The following PCNX1 variants were observed in gnomAD, a reference collection of about 807,000 sequenced individuals.
The protein encoded by PCNX1 is pecanex 1.
In PCNX1, 78 loss-of-function variants were observed where a neutral mutation model predicts 242.2. The observed-to-expected ratio is 0.32, with a 90% CI of 0.27 to 0.39. PCNX1 has a LOEUF of 0.39. Among genes scored for constraint, PCNX1 ranks in the 10% least tolerant of loss-of-function variants. The probability of loss-of-function intolerance (pLI) is 1.00; values close to 1 mark genes in which losing one functional copy is unlikely to be tolerated. For synonymous variants in PCNX1, 1,024 were observed against 1,032.9 expected (o/e 0.99, Z 0.17); for missense variants, 2,581 against 2,856.5 (o/e 0.90, Z 2.20).
intron 30 of PCNX1, among the ~76,000 whole-genome samples, chr14:71,095,733 G>A (rs1403665185): frequency 6.6e-6 from 1 of 152,008 alleles, no homozygotes; most frequent in East Asian, 1.9e-4. Flanking sequence ...ACCACATACA[G>A]AGGCACCTCA....
In PCNX1 at chr14:70,948,641, A is replaced by ATATATAGATGTGTATATATACACGTGTC. The variant is rs1401528598; in HGVS notation, c.362+1546_362+1573dup. 5.5e-4 allele frequency among the ~76,000 whole-genome samples: 83 copies of ATATATAGATGTGTATATATACACGTGTC among 151,014 alleles called. 1 individual carries two copies. Among genetic ancestry groups the ATATATAGATGTGTATATATACACGTGTC allele is most frequent in the Non-Finnish European group, 5.0e-4 (34 of 67,662 alleles). On this transcript the variant is annotated intron_variant, in intron 2 of 35. Transcript: ENST00000304743. ...TATATATACACATATATAGTTGTGTATATATAGATGTGTATATATACACGT... is the reference window on the plus strand; with the variant it reads ...TATATATACACATATATAGTTGTGTATATATAGATGTGTATATATACACGTGTCTATATAGATGTGTATATATACACGT...
chr14:71,039,302 G>A (rs1408107337), intron 19 of PCNX1, among the ~76,000 whole-genome samples: 1 of 152,036 alleles, frequency 6.6e-6, no homozygotes, highest in East Asian at 1.9e-4. Context: ...TCTGGGAGTG[G>A]CTTTGCTGGA....
chr14:71,055,449 T>C, intron 24 of PCNX1, 55 bp from the exon 25 acceptor site: 1 of 1,026,074 alleles, frequency 9.7e-7, no homozygotes, highest in East Asian at 2.4e-5. Context: ...CAGTCTAAAT[T>C]GTTAAATATT....
chr14:71,025,098 C>T (rs566863820), intron 13 of PCNX1, among the ~76,000 whole-genome samples: 1 of 152,254 alleles, frequency 6.6e-6, no homozygotes, highest in Non-Finnish European at 1.5e-5. Flanking sequence ...TGATTTTTCT[C>T]ATCCTGTCAT....
rs2060827060 is a variant in PCNX1 at position 71,045,289 on chromosome 14, T to G, written c.4018+6T>G. Reference sequence around the variant, plus strand: ...TAATCAGTATGAAGTTCGAAGTAAGTATTTCATTAGCACTTTTTCTTTTTA... The same window carrying G: ...TAATCAGTATGAAGTTCGAAGTAAGGATTTCATTAGCACTTTTTCTTTTTA... On this transcript the variant is annotated splice_donor_region_variant and intron_variant, in intron 20 of 35. Coordinates refer to ENST00000304743, the MANE Select transcript of PCNX1 (RefSeq NM_014982.3). 1 of 1,590,126 alleles carries G rather than the reference T, an allele frequency of 6.3e-7. No homozygotes were observed. The highest frequency in any genetic ancestry group is 1.4e-5 in the African/African-American group (1 of 73,692).
chr14:70,948,772 T>A (rs1439125005), intron 2 of PCNX1, among the ~76,000 whole-genome samples: 1 of 146,836 alleles, frequency 6.8e-6, no homozygotes, highest in South Asian at 2.1e-4. Flanking sequence ...TACACATATA[T>A]GTATAGTGTA....
intron 16 of PCNX1, among the ~76,000 whole-genome samples, chr14:71,032,999 T>C (rs2060432102): frequency 6.6e-6 from 1 of 152,236 alleles, no homozygotes; most frequent in African/African-American, 2.4e-5. Flanking sequence ...TGTCAGACTT[T>C]TCTTTTGCCT....
At chr14:71,102,350 C>T (rs528567263) in intron 31 of PCNX1, 130 bp downstream of exon 31, 13 of 626,206 alleles carry the variant, frequency 2.1e-5, no homozygotes, top group Middle Eastern at 4.1e-4. Flanking sequence ...CATGGGCTTA[C>T]TGCAGGCTCT....
In PCNX1 at chr14:71,105,355, C is replaced by T. The variant is rs200313956; in HGVS notation, c.6216C>T (p.Asn2072=). 3.5e-5 allele frequency: 56 copies of T among 1,614,066 alleles called. No homozygotes were observed. Among genetic ancestry groups the T allele is most frequent in the East Asian group, 2.7e-4 (12 of 44,868 alleles). The change falls in exon 33 of 36, where the codon AAC becomes AAT. Residue 2072 remains asparagine (N), a synonymous_variant. Coordinates refer to ENST00000304743, the MANE Select transcript of PCNX1 (RefSeq NM_014982.3). ...CAACTGCCAACAATCCCCACAGCAA[C>T]GTGACCCAGGGAAGCATTGGAAATC... ...NATTANNPHS[N]VTQGSIGNPG...
At chr14:71,061,540 C>T (rs2061326298) in intron 26 of PCNX1, among the ~76,000 whole-genome samples, 1 of 152,174 alleles carries the variant, frequency 6.6e-6, no homozygotes, top group Non-Finnish European at 1.5e-5. Context: ...GCTTTTCAGA[C>T]CTACCACCTG....
At chr14:71,038,611 T>C (rs12886789) in intron 19 of PCNX1, among the ~76,000 whole-genome samples, 23,761 of 150,868 alleles carry the variant, frequency 0.16, 2,235 homozygotes, top group African/African-American at 0.26. Flanking sequence ...GGAACACTTT[T>C]ACACTGTTGG....
At chr14:70,968,347 C>G (rs2058442912) in intron 4 of PCNX1, 104 bp downstream of exon 4, 8 of 652,040 alleles carry the variant, frequency 1.2e-5, no homozygotes, top group Non-Finnish European at 2.1e-5. Context: ...AAAAATCATT[C>G]TTGAAATTCT....
At chr14:70,939,703 C>T (rs928143082) in intron 1 of PCNX1, among the ~76,000 whole-genome samples, 9 of 152,152 alleles carry the variant, frequency 5.9e-5, no homozygotes, top group Non-Finnish European at 1.2e-4. Context: ...CTTTCTGTCT[C>T]GTTGATCTGT....
intron 16 of PCNX1, among the ~76,000 whole-genome samples, chr14:71,029,337 G>T (rs2060320816): frequency 6.6e-6 from 1 of 152,134 alleles, no homozygotes; most frequent in African/African-American, 2.4e-5. Context: ...AGCTCCTCAT[G>T]CATACTTGTG....
intron 2 of PCNX1, among the ~76,000 whole-genome samples, chr14:70,952,764 G>A (rs2057837889): frequency 6.6e-6 from 1 of 152,066 alleles, no homozygotes; most frequent in Admixed American, 6.5e-5. Context: ...TGTGGTACAT[G>A]TGTATATCTA....
chr14:71,040,363 T>C (rs2060669768), intron 19 of PCNX1, among the ~76,000 whole-genome samples: 1 of 152,214 alleles, frequency 6.6e-6, no homozygotes, highest in African/African-American at 2.4e-5. Flanking sequence ...TAACTTTTTT[T>C]CTGTACTGCT....
chr14:70,969,073 A>G lies in PCNX1; in HGVS notation c.567A>G (p.Gln189=), dbSNP rs546911876. 2.8e-5 allele frequency: 45 copies of G among 1,610,526 alleles called. No individual in the cohort carries two copies. The highest frequency in any genetic ancestry group is 3.5e-5 in the Non-Finnish European group (41 of 1,176,972). ...ATGATATCAGTTTAAGTCTGGGCCA[A>G]AGTTCTAGTCTTTGTAAGGAAGGAA... ...TSDDISLSLG[Q]SSSLCKEGSE... The change falls in exon 5 of 36, where the codon CAA becomes CAG. Residue 189 remains glutamine (Q), a synonymous_variant. Coordinates refer to ENST00000304743, the MANE Select transcript of PCNX1 (RefSeq NM_014982.3).
chr14:70,948,830 G>T (rs375954559), intron 2 of PCNX1, among the ~76,000 whole-genome samples: 5 of 141,848 alleles, frequency 3.5e-5, no homozygotes, highest in African/African-American at 1.1e-4. Context: ...TTATTTACTC[G>T]TATAAATAAA....
At chr14:70,962,195 G>A in intron 2 of PCNX1, 31 bp from the exon 3 acceptor site, 1 of 1,256,920 alleles carries the variant, frequency 8.0e-7, no homozygotes, top group East Asian at 2.3e-5. Context: ...AATAATGACA[G>A]TTACTCTTTT....
Sources: allele counts gnomAD v4.1 joint callset (sites outside exome capture counted in the v4.1 genomes callset), GRCh38; gene constraint gnomAD v4.1.1; transcripts MANE v1.5; gene names NCBI Gene and HGNC (gene_info 2026-07-23, HGNC 2026-07-21).